The following HPSE2 variants were observed in gnomAD, a reference collection of about 807,000 sequenced individuals.
HPSE2 encodes inactive heparanase-2.
Under a neutral mutation model 60.5 loss-of-function variants are expected in HPSE2, and 38 were observed. The ratio of observed to expected loss-of-function variants is 0.63; its 90% CI spans 0.48 to 0.82. The LOEUF (loss-of-function observed/expected upper bound fraction) is 0.82, where lower values mean the gene tolerates loss of function less well. Ranked by LOEUF, HPSE2 falls within the 40% of genes least tolerant of loss-of-function variation. The probability of loss-of-function intolerance (pLI) is 0.00; values close to 1 mark genes in which losing one functional copy is unlikely to be tolerated. For missense variants in HPSE2, 713 were observed against 740.4 expected (o/e 0.96, Z 0.43); for synonymous variants, 295 against 293.2 (o/e 1.01, Z -0.06).
At chr10:98,561,973 A>T (rs1944199428) in intron 9 of HPSE2, among the ~76,000 whole-genome samples, 1 of 152,246 alleles carries the variant, frequency 6.6e-6, no homozygotes, top group Admixed American at 6.5e-5. Flanking sequence ...AGTCCATCTC[A>T]TTCACTCAAC....
At chr10:98,470,920 G>A (rs762298944) in intron 11 of HPSE2, among the ~76,000 whole-genome samples, 42 of 152,330 alleles carry the variant, frequency 2.8e-4, no homozygotes, top group Non-Finnish European at 6.0e-4. Context: ...GAAAATAACA[G>A]TGAAAAGCCT....
At chr10:99,098,805 T>C (rs1434908384) in intron 3 of HPSE2, among the ~76,000 whole-genome samples, 1 of 152,230 alleles carries the variant, frequency 6.6e-6, no homozygotes, top group African/African-American at 2.4e-5. Flanking sequence ...ACGATGTTAA[T>C]AATATTTTAT....
intron 11 of HPSE2, among the ~76,000 whole-genome samples, chr10:98,471,694 G>A (rs555385815): frequency 2.6e-5 from 4 of 152,154 alleles, no homozygotes; most frequent in South Asian, 2.1e-4. Flanking sequence ...TATGCTCCTC[G>A]GTGTGTACCA....
chr10:99,260,219 T>C, the HPSE2 span, among the ~76,000 whole-genome samples: 2 of 148,700 alleles, frequency 1.3e-5, no homozygotes, highest in East Asian at 2.0e-4. Context: ...ATCTCAAATA[T>C]AGCAACAGCC....
chr10:99,031,541 A>C (rs545142779), intron 3 of HPSE2, among the ~76,000 whole-genome samples: 3 of 152,202 alleles, frequency 2.0e-5, no homozygotes. Flanking sequence ...ATTCAGAGGG[A>C]ATAAGAAAAC....
intron 3 of HPSE2, among the ~76,000 whole-genome samples, chr10:98,799,844 TAAAA>T (rs1228407693): frequency 3.3e-5 from 5 of 151,116 alleles, no homozygotes; most frequent in Admixed American, 3.3e-4. Flanking sequence ...AAACTTCAAT[TAAAA>T]AAACCTAATG....
intron 3 of HPSE2, among the ~76,000 whole-genome samples, chr10:98,949,727 C>CTA (rs1955299338): frequency 6.6e-6 from 1 of 152,044 alleles, no homozygotes; most frequent in Non-Finnish European, 1.5e-5. Flanking sequence ...ATTATTATTC[C>CTA]TGTTTTTTAC....
chr10:98,705,384 G>A (rs1948520667), intron 5 of HPSE2, among the ~76,000 whole-genome samples: 1 of 152,184 alleles, frequency 6.6e-6, no homozygotes. Flanking sequence ...AATACCATTT[G>A]ACCTAGCCAT....
intron 3 of HPSE2, among the ~76,000 whole-genome samples, chr10:98,749,725 T>C (rs1949709865): frequency 6.6e-6 from 1 of 150,662 alleles, no homozygotes; most frequent in Non-Finnish European, 1.5e-5. Flanking sequence ...TTAGATGATT[T>C]TGCCCAACAG....
intron 3 of HPSE2, among the ~76,000 whole-genome samples, chr10:98,987,620 C>T (rs1173668179): frequency 6.6e-6 from 1 of 152,116 alleles, no homozygotes; most frequent in Admixed American, 6.6e-5. Flanking sequence ...TCCTATTCAA[C>T]ATAATGTTGG....
intron 3 of HPSE2, among the ~76,000 whole-genome samples, chr10:98,777,958 C>T (rs1419771738): frequency 6.6e-6 from 1 of 152,022 alleles, no homozygotes; most frequent in Non-Finnish European, 1.5e-5. Flanking sequence ...CACAGCAACA[C>T]GCAAGACCAA....
chr10:98,862,694 A>C (rs1952487060), intron 3 of HPSE2, among the ~76,000 whole-genome samples: 1 of 152,188 alleles, frequency 6.6e-6, no homozygotes, highest in South Asian at 2.1e-4. Flanking sequence ...AGAGTAGAGT[A>C]GGCAAGAGAC....
chr10:99,105,066 A>C (rs1844186253), intron 3 of HPSE2, among the ~76,000 whole-genome samples: 1 of 151,804 alleles, frequency 6.6e-6, no homozygotes, highest in Non-Finnish European at 1.5e-5. Flanking sequence ...TATAATAAAA[A>C]AAAAAAAAAA....
intron 9 of HPSE2, among the ~76,000 whole-genome samples, chr10:98,512,628 G>A (rs1256456637): frequency 6.6e-6 from 1 of 152,024 alleles, no homozygotes; most frequent in African/African-American, 2.4e-5. Context: ...TTCTTGCTGG[G>A]TAAAGTAGGA....
intron 7 of HPSE2, among the ~76,000 whole-genome samples, chr10:98,639,933 ATTGTAAT>A (rs1459151052): frequency 6.6e-6 from 1 of 152,206 alleles, no homozygotes; most frequent in African/African-American, 2.4e-5. Flanking sequence ...CTTGTACACT[ATTGTAAT>A]ATAAACACTT....
intron 3 of HPSE2, among the ~76,000 whole-genome samples, chr10:98,996,307 A>G (rs1956640806): frequency 6.6e-6 from 1 of 152,208 alleles, no homozygotes; most frequent in Non-Finnish European, 1.5e-5. Context: ...ATAACAAGAT[A>G]ACACTAAGCG....
At chr10:99,037,466 T>C (rs973692454) in intron 3 of HPSE2, among the ~76,000 whole-genome samples, 1 of 152,010 alleles carries the variant, frequency 6.6e-6, no homozygotes, top group Non-Finnish European at 1.5e-5. Flanking sequence ...AATTAAAAGT[T>C]TAAAAAAGCA....
chr10:98,503,841 G>C (rs1466233142), intron 9 of HPSE2, among the ~76,000 whole-genome samples: 1 of 152,160 alleles, frequency 6.6e-6, no homozygotes, highest in East Asian at 1.9e-4. Flanking sequence ...TGGTTCAGTG[G>C]ACTTTGGGGA....
chr10:98,923,954 G>C lies in HPSE2; in HGVS notation c.611-179898C>G, dbSNP rs556042708. Among the ~76,000 whole-genome samples, 129 of 152,154 alleles carry C rather than the reference G, an allele frequency of 8.5e-4. 1 individual carries two copies. Among genetic ancestry groups the C allele is most frequent in the African/African-American group, 2.9e-3 (122 of 41,504 alleles). On this transcript the variant is annotated intron_variant, in intron 3 of 11. Transcript: ENST00000370552. The stretch of plus-strand genomic sequence containing the variant: ...AAGTAATGTTTTCCTGAATGATGTT[G>C]GCACTTGTAGAAGTTCTTTGGCATC...
Sources: gnomAD v4.1 joint callset for allele counts (sites outside exome capture counted in the v4.1 genomes callset) on GRCh38, gnomAD v4.1.1 for gene constraint, MANE v1.5 for transcripts, NCBI Gene and HGNC (gene_info 2026-07-23, HGNC 2026-07-21) for gene names.